The following PTPRD variants were observed in gnomAD, a reference collection of about 807,000 sequenced individuals.
The protein encoded by PTPRD is receptor-type tyrosine-protein phosphatase delta.
A neutral mutation model predicts 214.5 loss-of-function variants in PTPRD; 34 were observed. That is an observed-to-expected ratio of 0.16 (90% CI 0.12 to 0.21). The LOEUF (loss-of-function observed/expected upper bound fraction) is 0.21, where lower values mean the gene tolerates loss of function less well. Ranked by LOEUF, PTPRD falls within the 10% of genes least tolerant of loss-of-function variation. The probability of loss-of-function intolerance (pLI) is 1.00; values close to 1 mark genes in which losing one functional copy is unlikely to be tolerated. For missense variants in PTPRD, 2,545 were observed against 2,398.7 expected, an observed-to-expected ratio of 1.06 and a Z score of -1.27; for synonymous variants, 1,128 against 845.7, an observed-to-expected ratio of 1.33 and a Z score of -5.79.
chr9:10,508,243 G>C (rs1369283674), intron 2 of PTPRD, among the ~76,000 whole-genome samples: 2 of 152,074 alleles, frequency 1.3e-5, no homozygotes, highest in South Asian at 2.1e-4. Context: ...AAACCACTAT[G>C]AGATACCATC....
intron 8 of PTPRD, among the ~76,000 whole-genome samples, chr9:9,422,364 T>G (rs2079129968): frequency 6.6e-6 from 1 of 152,136 alleles, no homozygotes; most frequent in Non-Finnish European, 1.5e-5. Context: ...TGAGTTGCAT[T>G]ATTTTCATTT....
At chr9:8,718,987 A>C (rs1329509099) in intron 12 of PTPRD, among the ~76,000 whole-genome samples, 1 of 152,200 alleles carries the variant, frequency 6.6e-6, no homozygotes, top group Non-Finnish European at 1.5e-5. Context: ...TAATGTGATC[A>C]AATTCACCAT....
At chr9:8,320,213 A>G (rs1825965647) in intron 44 of PTPRD, among the ~76,000 whole-genome samples, 1 of 152,134 alleles carries the variant, frequency 6.6e-6, no homozygotes, top group Non-Finnish European at 1.5e-5. Context: ...GGGGATTTAT[A>G]CCATTTTAGA....
At chr9:8,522,723 G>T (rs1378258249) in intron 19 of PTPRD, among the ~76,000 whole-genome samples, 1 of 152,158 alleles carries the variant, frequency 6.6e-6, no homozygotes, top group African/African-American at 2.4e-5. Context: ...GATACAAGGA[G>T]AAAGTGAAAG....
intron 2 of PTPRD, among the ~76,000 whole-genome samples, chr9:10,455,143 C>A (rs919420087): frequency 6.6e-6 from 1 of 151,752 alleles, no homozygotes; most frequent in Admixed American, 6.6e-5. Flanking sequence ...TATCAATGAT[C>A]TTCTTGACAC....
At chr9:10,525,681 G>A (rs1010239458) in intron 2 of PTPRD, among the ~76,000 whole-genome samples, 4 of 151,384 alleles carry the variant, frequency 2.6e-5, no homozygotes, top group African/African-American at 7.3e-5. Flanking sequence ...GAAAGCTTGA[G>A]CCATCAATTT....
chr9:9,225,771 C>T (rs1026422707), intron 9 of PTPRD, among the ~76,000 whole-genome samples: 2 of 151,956 alleles, frequency 1.3e-5, no homozygotes, highest in Non-Finnish European at 2.9e-5. Flanking sequence ...CCCAATAGAA[C>T]ATAAAATACA....
intron 4 of PTPRD, among the ~76,000 whole-genome samples, chr9:9,970,318 C>T (rs936022933): frequency 1.3e-5 from 2 of 151,084 alleles, no homozygotes; most frequent in African/African-American, 2.4e-5. Context: ...GGCGTGGTGG[C>T]AGGCACCTGT....
chr9:8,572,653 C>T (rs562944879), intron 14 of PTPRD, among the ~76,000 whole-genome samples: 1 of 151,956 alleles, frequency 6.6e-6, no homozygotes, highest in African/African-American at 2.4e-5. Context: ...TAGAGAGGTA[C>T]TTGAGTCAAC....
intron 8 of PTPRD, among the ~76,000 whole-genome samples, chr9:9,430,101 G>T (rs868734617): frequency 6.6e-6 from 1 of 152,146 alleles, no homozygotes; most frequent in East Asian, 1.9e-4. Context: ...AGGAAAAGAG[G>T]AAGTCAAACT....
chr9:10,266,270 G>A (rs554800410), intron 3 of PTPRD, among the ~76,000 whole-genome samples: 5 of 151,792 alleles, frequency 3.3e-5, no homozygotes, highest in Admixed American at 3.3e-4. Flanking sequence ...AATTAAAATA[G>A]CCCTTGAAAA....
intron 7 of PTPRD, among the ~76,000 whole-genome samples, chr9:9,699,950 T>C (rs769490303): frequency 5.3e-5 from 8 of 152,178 alleles, no homozygotes; most frequent in Non-Finnish European, 8.8e-5. Context: ...CAAGTATGCA[T>C]TCCTCAGAAT....
chr9:9,509,565 T>G (rs568961601), intron 8 of PTPRD, among the ~76,000 whole-genome samples: 1 of 151,592 alleles, frequency 6.6e-6, no homozygotes, highest in Non-Finnish European at 1.5e-5. Flanking sequence ...TTCCCACATA[T>G]GATTCCATTT....
Position 9,621,508 on chromosome 9 carries a change from C to T in PTPRD, c.-286-46727G>A, listed in dbSNP as rs548051694. 8.5e-5 allele frequency among the ~76,000 whole-genome samples: 13 copies of T among 152,272 alleles called. No homozygotes were observed. In the East Asian group the frequency reaches 1.7e-3, roughly 20 times the overall value. On this transcript the variant is annotated intron_variant, in intron 7 of 45. Transcript: ENST00000381196. ...CTGGAATAAATTATTACCAAAACAA[C>T]TTTAAGCGATGAGGCTGCCTTTGGA...
At chr9:9,088,117 A>G (rs1218166015) in intron 10 of PTPRD, among the ~76,000 whole-genome samples, 2 of 150,702 alleles carry the variant, frequency 1.3e-5, no homozygotes, top group African/African-American at 4.9e-5. Flanking sequence ...CCTGACCTGA[A>G]GTGATCTGCT....
At chr9:9,202,729 T>G (rs1165028764) in intron 9 of PTPRD, among the ~76,000 whole-genome samples, 2 of 152,240 alleles carry the variant, frequency 1.3e-5, no homozygotes, top group African/African-American at 4.8e-5. Context: ...CTGCTGCACA[T>G]GTAACCTGAG....
intron 4 of PTPRD, among the ~76,000 whole-genome samples, chr9:10,011,551 C>G (rs761838357): frequency 6.6e-6 from 1 of 151,902 alleles, no homozygotes; most frequent in Admixed American, 6.6e-5. Flanking sequence ...AATAGACTAG[C>G]ATCAAAACAT....
intron 3 of PTPRD, among the ~76,000 whole-genome samples, chr9:10,059,118 T>C (rs1166962406): frequency 6.6e-6 from 1 of 152,148 alleles, no homozygotes; most frequent in African/African-American, 2.4e-5. Flanking sequence ...TCGTCTCCCT[T>C]GCTAACAGCA....
chr9:10,289,077 A>T (rs2095452233), intron 3 of PTPRD, among the ~76,000 whole-genome samples: 1 of 151,920 alleles, frequency 6.6e-6, no homozygotes. Context: ...TGGAAAACCA[A>T]AGGCCAGTTT....
Sources: gnomAD v4.1 joint callset for allele counts (sites outside exome capture counted in the v4.1 genomes callset) on GRCh38, gnomAD v4.1.1 for gene constraint, MANE v1.5 for transcripts, NCBI Gene and HGNC (gene_info 2026-07-23, HGNC 2026-07-21) for gene names.